ZMAT4: variants seen among roughly 807,000 people sequenced by gnomAD.
ZMAT4 encodes the protein zinc finger matrin-type protein 4.
Under a neutral mutation model 28.7 loss-of-function variants are expected in ZMAT4, and 17 were observed. That is an observed-to-expected ratio of 0.59 (90% CI 0.41 to 0.89). The LOEUF is 0.89. Among genes scored for constraint, ZMAT4 ranks in the 40% least tolerant of loss-of-function variants. ZMAT4 has a pLI of 0.00. For missense variants in ZMAT4, 240 were observed against 283.8 expected (o/e 0.85, Z 1.11); for synonymous variants, 117 against 109.2 (o/e 1.07, Z -0.44).
intron 2 of ZMAT4, among the ~76,000 whole-genome samples, 192 bp downstream of exon 2, chr8:40,825,383 A>G (rs1351050844): frequency 1.3e-5 from 2 of 152,170 alleles, no homozygotes; most frequent in African/African-American, 4.8e-5. Context: ...TCTGACAATG[A>G]CATCCCCAAC....
intron 2 of ZMAT4, among the ~76,000 whole-genome samples, chr8:40,776,227 A>G (rs1813589089): frequency 6.6e-6 from 1 of 152,222 alleles, no homozygotes; most frequent in Non-Finnish European, 1.5e-5. Flanking sequence ...CAATGTTTCT[A>G]GAATTAGGTC....
At chr8:40,803,407 A>G (rs1402824649) in intron 2 of ZMAT4, among the ~76,000 whole-genome samples, 1 of 152,210 alleles carries the variant, frequency 6.6e-6, no homozygotes, top group Non-Finnish European at 1.5e-5. Context: ...ACAAGAACAC[A>G]ACCCCACTAA....
At chr8:40,856,020 A>G (rs1817284847) in intron 1 of ZMAT4, among the ~76,000 whole-genome samples, 1 of 151,898 alleles carries the variant, frequency 6.6e-6, no homozygotes, top group African/African-American at 2.4e-5. Context: ...GTGGGATCCA[A>G]TTTAGTTATC....
chr8:40,777,213 C>T (rs1277286556), intron 2 of ZMAT4, among the ~76,000 whole-genome samples: 2 of 152,080 alleles, frequency 1.3e-5, no homozygotes, highest in Non-Finnish European at 2.9e-5. Flanking sequence ...TTTAAAAATA[C>T]ATTATAAAGT....
At chr8:40,838,801 AG>A (rs1349012949) in intron 1 of ZMAT4, among the ~76,000 whole-genome samples, 4 of 152,180 alleles carry the variant, frequency 2.6e-5, no homozygotes, top group Non-Finnish European at 2.9e-5. Context: ...CAGTGAAGGA[AG>A]GATTTGGAAG....
chr8:40,887,193 G>A (rs931911317), intron 1 of ZMAT4, among the ~76,000 whole-genome samples: 7 of 138,894 alleles, frequency 5.0e-5, no homozygotes, highest in South Asian at 2.3e-4. Flanking sequence ...AAAAAAAGCC[G>A]GTTTTGGCCA....
At chr8:40,714,879 T>C (rs1293752785) in intron 3 of ZMAT4, among the ~76,000 whole-genome samples, 1 of 151,656 alleles carries the variant, frequency 6.6e-6, no homozygotes, top group African/African-American at 2.4e-5. Flanking sequence ...TGAAATCCCA[T>C]CTCTACTAAA....
intron 1 of ZMAT4, among the ~76,000 whole-genome samples, chr8:40,867,480 T>C (rs1376054240): frequency 6.6e-6 from 1 of 152,150 alleles, no homozygotes; most frequent in Admixed American, 6.5e-5. Flanking sequence ...CCAAAATCCT[T>C]GGAGTAGCTG....
intron 6 of ZMAT4, among the ~76,000 whole-genome samples, chr8:40,549,926 C>T (rs1803316964): frequency 6.6e-6 from 1 of 152,122 alleles, no homozygotes; most frequent in Admixed American, 6.6e-5. Context: ...CTTGTTTCTC[C>T]AACCAAAGGG....
At chr8:40,589,761 T>TTTCC (rs1563353958) in intron 5 of ZMAT4, among the ~76,000 whole-genome samples, 1 of 52,870 alleles carries the variant, frequency 1.9e-5, no homozygotes, top group East Asian at 5.7e-4. Flanking sequence ...TCTTTCTTTC[T>TTTCC]TTTTCTTTCT....
chr8:40,696,195 A>T (rs535705414), intron 4 of ZMAT4, among the ~76,000 whole-genome samples: 1 of 152,290 alleles, frequency 6.6e-6, no homozygotes, highest in East Asian at 1.9e-4. Context: ...CCTTTACAAA[A>T]ACAATGTTGT....
chr8:40,595,299 G>T (rs982128029), intron 5 of ZMAT4, among the ~76,000 whole-genome samples: 1 of 151,996 alleles, frequency 6.6e-6, no homozygotes, highest in Non-Finnish European at 1.5e-5. Context: ...AGACTCTGAT[G>T]CACCCAAATA....
intron 5 of ZMAT4, among the ~76,000 whole-genome samples, chr8:40,596,555 A>C (rs1205366092): frequency 6.6e-6 from 1 of 152,196 alleles, no homozygotes; most frequent in Non-Finnish European, 1.5e-5. Context: ...GCCTCGGCCT[A>C]CATGAGGTCA....
At chr8:40,704,764 C>T (rs190195897) in intron 3 of ZMAT4, among the ~76,000 whole-genome samples, 1 of 152,338 alleles carries the variant, frequency 6.6e-6, no homozygotes, top group East Asian at 1.9e-4. Flanking sequence ...TGTTTTCCAC[C>T]TAATGTACTA....
intron 6 of ZMAT4, among the ~76,000 whole-genome samples, chr8:40,553,981 CA>C (rs1803445260): frequency 6.6e-6 from 1 of 152,122 alleles, no homozygotes; most frequent in Non-Finnish European, 1.5e-5. Flanking sequence ...AAGAAATTAA[CA>C]AGAGCATTTT....
At chr8:40,728,533 A>C (rs999269239) in intron 3 of ZMAT4, among the ~76,000 whole-genome samples, 5 of 152,190 alleles carry the variant, frequency 3.3e-5, no homozygotes, top group Non-Finnish European at 7.3e-5. Context: ...GAGAAGCATC[A>C]CTGACCACTA....
At position 40,629,048 on chromosome 8, in the gene ZMAT4, C is replaced by T. The variant is rs573470229; in HGVS notation, c.577+45656G>A. On this transcript the variant is annotated intron_variant, in intron 5 of 6. Transcript: ENST00000297737. The stretch of plus-strand genomic sequence containing the variant: ...TGTCTTTATTCTTTGTTCATCCCTT[C>T]GCCCTCTTTATTTTCTTTTTGGGAC... Among the ~76,000 whole-genome samples the T allele has an allele frequency of 6.6e-4, 98 of 147,762 alleles. 1 individual carries two copies. Among genetic ancestry groups the T allele is most frequent in the African/African-American group, 2.0e-3 (80 of 40,480 alleles).
chr8:40,602,732 T>TTTTGTG (rs1488443302), intron 5 of ZMAT4, among the ~76,000 whole-genome samples: 1 of 152,142 alleles, frequency 6.6e-6, no homozygotes, highest in African/African-American at 2.4e-5. Context: ...ATTTGGGGAT[T>TTTTGTG]TTTGTGTTTT....
rs545334806 is a variant in ZMAT4, at chr8:40,595,837, A to T, written c.578-14576T>A. ...GGTGGCTCACTCCTGTAATCCCAGC[A>T]CTTTGGGAGGCCGAGGCAGGCAGAT... On this transcript the variant is annotated intron_variant, in intron 5 of 6. Coordinates refer to ENST00000297737, the MANE Select transcript of ZMAT4 (RefSeq NM_024645.3). Among the ~76,000 whole-genome samples the T allele has an allele frequency of 5.9e-5, 9 of 152,242 alleles. No homozygotes were observed. The South Asian group carries it at 1.9e-3, about 32-fold the overall frequency.
Sources: gnomAD v4.1 joint callset for allele counts (sites outside exome capture counted in the v4.1 genomes callset) on GRCh38, gnomAD v4.1.1 for gene constraint, MANE v1.5 for transcripts, NCBI Gene and HGNC (gene_info 2026-07-23, HGNC 2026-07-21) for gene names.